C6: variants seen among roughly 807,000 people sequenced by gnomAD.
The protein encoded by C6 is complement C6.
C6 carries 101 observed loss-of-function variants against 112.9 expected under a neutral mutation model. The observed-to-expected ratio is 0.89, with a 90% CI of 0.76 to 1.06. The LOEUF (loss-of-function observed/expected upper bound fraction) is 1.06. C6 is among the 50% of genes least tolerant of loss of function. The probability of loss-of-function intolerance (pLI) is 0.00; values close to 1 mark genes in which losing one functional copy is unlikely to be tolerated. For missense variants in C6, 1,202 were observed against 1,104.6 expected, an observed-to-expected ratio of 1.09 and a Z score of -1.25; for synonymous variants, 431 against 384.1, an observed-to-expected ratio of 1.12 and a Z score of -1.43.
chr5:41,197,722 A>G (rs1253802815), intron 4 of C6, among the ~76,000 whole-genome samples: 1 of 152,092 alleles, frequency 6.6e-6, no homozygotes, highest in Non-Finnish European at 1.5e-5. Flanking sequence ...GGAAGAGGAT[A>G]CCTCTTGAGG....
chr5:41,223,691 G>T (rs916571778), intron 1 of C6, among the ~76,000 whole-genome samples: 5 of 152,084 alleles, frequency 3.3e-5, no homozygotes, highest in Admixed American at 3.3e-4. Flanking sequence ...GAAATTCACA[G>T]TTTATTTATG....
In C6 at chr5:41,172,301, C is replaced by G; in HGVS notation, c.1215G>C (p.Lys405Asn). The G allele has an allele frequency of 6.2e-7, 1 of 1,613,588 alleles. No individual in the cohort carries two copies. Among genetic ancestry groups the G allele is most frequent in the Non-Finnish European group, 8.5e-7 (1 of 1,179,668 alleles). ...EAKHCVRIET[K>N]KRVLFAKKTK... Reference sequence around the variant, plus strand: ...TTTTCTTAGCAAATAAAACGCGTTTCTTTGTTTCAATCCTGACACAGTGTT... The same window carrying G: ...TTTTCTTAGCAAATAAAACGCGTTTGTTTGTTTCAATCCTGACACAGTGTT... Residue 405 changes from lysine to asparagine, a missense_variant, in exon 9 of 18, where the codon AAG becomes AAC. Physicochemically the swap from Lys to Asn is moderately conservative, Grantham distance 94. Coordinates refer to ENST00000337836, the MANE Select transcript of C6 (RefSeq NM_000065.5).
chr5:41,164,852 T>A (rs141460225), intron 9 of C6, among the ~76,000 whole-genome samples: 1 of 152,166 alleles, frequency 6.6e-6, no homozygotes, highest in Non-Finnish European at 1.5e-5. Context: ...TGAAGTATAA[T>A]ATTGACACAG....
At chr5:41,161,370 G>T (rs991355752) in intron 10 of C6, among the ~76,000 whole-genome samples, 8 of 152,152 alleles carry the variant, frequency 5.3e-5, no homozygotes, top group South Asian at 2.1e-4. Context: ...GAAGAACACA[G>T]AAACCAGATT....
chr5:41,245,521 A>G (rs1053918728), intron 1 of C6, among the ~76,000 whole-genome samples: 4 of 151,964 alleles, frequency 2.6e-5, no homozygotes, highest in Admixed American at 2.0e-4. Flanking sequence ...AAAAAATTTA[A>G]CAAGATTCAC....
At chr5:41,144,326 G>A (rs1015869809) in intron 17 of C6, among the ~76,000 whole-genome samples, 2 of 151,986 alleles carry the variant, frequency 1.3e-5, no homozygotes, top group Non-Finnish European at 2.9e-5. Flanking sequence ...GGGGTGCAAT[G>A]GCACAATCAT....
At chr5:41,204,675 T>C (rs182518249) in intron 1 of C6, among the ~76,000 whole-genome samples, 4,253 of 145,296 alleles carry the variant, frequency 0.029, 81 homozygotes, top group Middle Eastern at 0.045. Flanking sequence ...TTTTTCTTTT[T>C]TTTTTTTTTT....
intron 17 of C6, among the ~76,000 whole-genome samples, chr5:41,146,339 A>C (rs903790347): frequency 2.6e-5 from 4 of 152,216 alleles, no homozygotes; most frequent in African/African-American, 9.6e-5. Context: ...CATTTTAGAT[A>C]GAGAAGGAAA....
At chr5:41,216,717 C>A (rs1032900937), upstream of C6, among the ~76,000 whole-genome samples, 4 of 152,040 alleles carry the variant, frequency 2.6e-5, no homozygotes, top group Non-Finnish European at 4.4e-5. Context: ...GGCTACAGTT[C>A]CACTTCCAGC....
chr5:41,164,180 A>C (rs1210877430), intron 9 of C6, among the ~76,000 whole-genome samples: 1 of 152,166 alleles, frequency 6.6e-6, no homozygotes, highest in African/African-American at 2.4e-5. Context: ...AGACCAATAA[A>C]ATAGTTTTTG....
At chr5:41,206,584 A>T (rs1208852145) in intron 1 of C6, among the ~76,000 whole-genome samples, 2 of 152,248 alleles carry the variant, frequency 1.3e-5, no homozygotes, top group Non-Finnish European at 1.5e-5. Context: ...CGCATGCACA[A>T]GCTTCAGTAG....
At chr5:41,174,568 C>T (rs1044889552) in intron 8 of C6, among the ~76,000 whole-genome samples, 1 of 152,168 alleles carries the variant, frequency 6.6e-6, no homozygotes, top group African/African-American at 2.4e-5. Flanking sequence ...ACTCTTTTCA[C>T]CTTGCACACT....
intron 5 of C6, 148 bp downstream of exon 5, chr5:41,195,644 G>T: frequency 2.3e-6 from 2 of 874,158 alleles, no homozygotes; most frequent in Non-Finnish European, 3.8e-6. Flanking sequence ...CATACCTCCT[G>T]AACATGGTAG....
At chr5:41,201,324 T>C (rs77931192) in intron 3 of C6, among the ~76,000 whole-genome samples, 6,812 of 152,204 alleles carry the variant, frequency 0.045, 162 homozygotes, top group Middle Eastern at 0.071. Flanking sequence ...GTAAGTACAA[T>C]ATCAATACTG....
Position 41,195,946 on chromosome 5 carries a change from A to G in C6, c.446-13T>C, listed in dbSNP as rs1441096029. The G allele has an allele frequency of 1.2e-6, 2 of 1,613,614 alleles. No individual in the cohort carries two copies. Among genetic ancestry groups the G allele is most frequent in the Non-Finnish European group, 1.7e-6 (2 of 1,179,820 alleles). ...GCAATGCAGCGGCCTAGTCAAGAAA[A>G]GCAAACAAAATCAATGCAACAAATT... On this transcript the variant is annotated splice_polypyrimidine_tract_variant and intron_variant, in intron 4 of 17. Transcript: ENST00000337836.
At chr5:41,196,066 T>C in intron 4 of C6, 133 bp from the exon 5 acceptor site, 1 of 1,005,896 alleles carries the variant, frequency 9.9e-7, no homozygotes, top group Non-Finnish European at 1.5e-6. Flanking sequence ...GATAGAGTTT[T>C]AGGGAGCACA....
intron 1 of C6, among the ~76,000 whole-genome samples, chr5:41,231,757 A>T (rs538424038): frequency 6.6e-6 from 1 of 152,102 alleles, no homozygotes; most frequent in South Asian, 2.1e-4. Flanking sequence ...CTCTTGTTTG[A>T]CATTTGGTTC....
intron 12 of C6, 131 bp downstream of exon 12, chr5:41,158,951 A>G: frequency 8.1e-7 from 1 of 1,233,720 alleles, no homozygotes. Flanking sequence ...TGGCTCATTA[A>G]TATTCTGTGT....
At chr5:41,228,645 T>C (rs1739680818) in intron 1 of C6, among the ~76,000 whole-genome samples, 1 of 152,216 alleles carries the variant, frequency 6.6e-6, no homozygotes, top group Admixed American at 6.5e-5. Flanking sequence ...CCTAATTCAT[T>C]GACACTTTTT....
Sources: allele counts gnomAD v4.1 joint callset (sites outside exome capture counted in the v4.1 genomes callset), GRCh38; gene constraint gnomAD v4.1.1; transcripts MANE v1.5; gene names NCBI Gene and HGNC (gene_info 2026-07-23, HGNC 2026-07-21).